The following SPIDR variants were observed in gnomAD, a reference collection of about 807,000 sequenced individuals.
The protein encoded by SPIDR is scaffold protein involved in DNA repair, also known as DNA repair-scaffolding protein.
SPIDR carries 93 observed loss-of-function variants against 104.6 expected under a neutral mutation model. That is an observed-to-expected ratio of 0.89 (90% CI 0.75 to 1.06). The LOEUF is 1.06. Ranked by LOEUF, SPIDR falls within the 50% of genes least tolerant of loss-of-function variation. SPIDR has a pLI of 0.00. For synonymous variants in SPIDR, 431 were observed against 416.9 expected, an observed-to-expected ratio of 1.03 and a Z score of -0.41; for missense variants, 1,154 against 1,111.2, an observed-to-expected ratio of 1.04 and a Z score of -0.55.
At chr8:47,304,821 C>G (rs1051781339) in intron 5 of SPIDR, among the ~76,000 whole-genome samples, 1 of 152,316 alleles carries the variant, frequency 6.6e-6, no homozygotes, top group Admixed American at 6.5e-5. Context: ...ATTAAAAGAA[C>G]CTTTTAATGG....
At chr8:47,653,869 A>C in intron 10 of SPIDR, 1 of 664,818 alleles carries the variant, frequency 1.5e-6, no homozygotes, top group African/African-American at 2.0e-5. Flanking sequence ...CAAAAAAAAA[A>C]CAAACCACTT....
At chr8:47,311,927 T>A (rs1209290129) in intron 5 of SPIDR, among the ~76,000 whole-genome samples, 3 of 152,076 alleles carry the variant, frequency 2.0e-5, no homozygotes, top group Non-Finnish European at 2.9e-5. Flanking sequence ...TGTCCAAGTG[T>A]TCTCATTGTT....
chr8:47,322,465 T>C (rs1563613704), intron 5 of SPIDR, among the ~76,000 whole-genome samples: 2 of 152,098 alleles, frequency 1.3e-5, no homozygotes, highest in Admixed American at 6.5e-5. Flanking sequence ...TGTGGAGAAA[T>C]AGGAACACTT....
At chr8:47,478,871 T>G (rs782258227) in intron 8 of SPIDR, among the ~76,000 whole-genome samples, 14 of 152,152 alleles carry the variant, frequency 9.2e-5, no homozygotes, top group Non-Finnish European at 1.6e-4. Context: ...AGAAGATAAC[T>G]TTGATTTCTG....
chr8:47,402,412 G>A (rs2062033245), intron 6 of SPIDR, among the ~76,000 whole-genome samples: 1 of 152,162 alleles, frequency 6.6e-6, no homozygotes, highest in African/African-American at 2.4e-5. Context: ...GTGAATCCAG[G>A]AGCTGGTTTT....
intron 10 of SPIDR, among the ~76,000 whole-genome samples, chr8:47,647,078 A>G (rs887211357): frequency 6.6e-6 from 1 of 152,214 alleles, no homozygotes; most frequent in Non-Finnish European, 1.5e-5. Flanking sequence ...GGGATTATTT[A>G]GTTGAATAAT....
At chr8:47,647,001 GTTC>G (rs2070495028) in intron 10 of SPIDR, among the ~76,000 whole-genome samples, 1 of 152,122 alleles carries the variant, frequency 6.6e-6, no homozygotes, top group Non-Finnish European at 1.5e-5. Flanking sequence ...CATAAACGCT[GTTC>G]TTCTTCATGG....
At chr8:47,379,704 C>T (rs1373213256) in intron 5 of SPIDR, among the ~76,000 whole-genome samples, 1 of 152,164 alleles carries the variant, frequency 6.6e-6, no homozygotes, top group African/African-American at 2.4e-5. Context: ...CAAGCATATT[C>T]AAGGTTTCTG....
intron 10 of SPIDR, among the ~76,000 whole-genome samples, chr8:47,636,815 C>CA (rs1247296002): frequency 0.027 from 2,955 of 109,220 alleles, 94 homozygotes; most frequent in African/African-American, 0.087. Flanking sequence ...GACCCTATCT[C>CA]AAAAAAAAAA....
intron 5 of SPIDR, among the ~76,000 whole-genome samples, chr8:47,311,561 G>A (rs939544252): frequency 1.1e-4 from 16 of 152,148 alleles, no homozygotes; most frequent in African/African-American, 3.1e-4. Context: ...GCTTATGCCT[G>A]TAATGCCAAC....
chr8:47,310,518 G>A (rs188819436), intron 5 of SPIDR, among the ~76,000 whole-genome samples: 1 of 152,198 alleles, frequency 6.6e-6, no homozygotes, highest in African/African-American at 2.4e-5. Context: ...CACAGTAGGA[G>A]GACAGAAAGT....
At chr8:47,575,886 G>A (rs550085390) in intron 8 of SPIDR, among the ~76,000 whole-genome samples, 1 of 150,170 alleles carries the variant, frequency 6.7e-6, no homozygotes, top group Admixed American at 6.6e-5. Flanking sequence ...CTTGAACCTG[G>A]CAGGCGGAGG....
At chr8:47,358,165 C>T (rs2054940244) in intron 5 of SPIDR, among the ~76,000 whole-genome samples, 1 of 152,188 alleles carries the variant, frequency 6.6e-6, no homozygotes, top group African/African-American at 2.4e-5. Context: ...TCACTGCAGC[C>T]TTGAACTCCT....
chr8:47,269,304 C>T (rs2034773151), intron 1 of SPIDR, among the ~76,000 whole-genome samples: 1 of 151,560 alleles, frequency 6.6e-6, no homozygotes, highest in African/African-American at 2.4e-5. Flanking sequence ...GTCACCCAGG[C>T]TGGAGTGCAG....
rs560157554 is a variant in SPIDR, at chr8:47,534,099, C to G, written c.1098-61712C>G. ...TGGTTTTGTGAGTGACTGGTATTTCCCCTGCTGGCACTCATTCTCTCTCCT... is the reference window on the plus strand; with the variant it reads ...TGGTTTTGTGAGTGACTGGTATTTCGCCTGCTGGCACTCATTCTCTCTCCT... On this transcript the variant is annotated intron_variant, in intron 8 of 19. Transcript: ENST00000297423. Among the ~76,000 whole-genome samples the G allele has an allele frequency of 5.9e-5, 9 of 152,252 alleles. No homozygotes were observed. The East Asian group carries it at 1.4e-3, about 23-fold the overall frequency.
intron 1 of SPIDR, among the ~76,000 whole-genome samples, chr8:47,270,536 C>T (rs1038383544): frequency 7.9e-5 from 12 of 152,172 alleles, no homozygotes; most frequent in Middle Eastern, 6.8e-3. Context: ...TCCCCGCCCC[C>T]AAACCTCCTT....
intron 8 of SPIDR, among the ~76,000 whole-genome samples, chr8:47,553,167 C>T (rs891704880): frequency 1.3e-5 from 2 of 152,122 alleles, no homozygotes; most frequent in Non-Finnish European, 2.9e-5. Flanking sequence ...GTGGGTAACT[C>T]GACCTTTCTC....
intron 5 of SPIDR, among the ~76,000 whole-genome samples, chr8:47,321,844 A>C (rs2154262583): frequency 6.6e-6 from 1 of 152,338 alleles, no homozygotes; most frequent in South Asian, 2.1e-4. Flanking sequence ...AGAAATGGGA[A>C]AACGATTCCC....
chr8:47,502,384 C>G lies in SPIDR; in HGVS notation c.1097+61842C>G, dbSNP rs1051831653. ...TTAGTCTTGGGAGGGTGTATGTGTG[C>G]AGGAATTTATCCATTTCTTCTAGAT... is the stretch of plus-strand genomic sequence containing the variant. On this transcript the variant is annotated intron_variant, in intron 8 of 19. Coordinates refer to ENST00000297423, the MANE Select transcript of SPIDR (RefSeq NM_001080394.4). 6.6e-5 allele frequency among the ~76,000 whole-genome samples: 10 copies of G among 152,222 alleles called. No individual in the cohort carries two copies. In the East Asian group the frequency reaches 1.9e-3, roughly 29 times the overall value.
Sources: gnomAD v4.1 joint callset for allele counts (sites outside exome capture counted in the v4.1 genomes callset) on GRCh38, gnomAD v4.1.1 for gene constraint, MANE v1.5 for transcripts, NCBI Gene and HGNC (gene_info 2026-07-23, HGNC 2026-07-21) for gene names.